Variants in MROH1 observed in about 807,000 individuals in gnomAD.
The protein encoded by MROH1 is maestro heat-like repeat-containing protein family member 1.
MROH1 carries 117 observed loss-of-function variants against 116.5 expected under a neutral mutation model. That is an observed-to-expected ratio of 1.00 (90% CI 0.86 to 1.17). The LOEUF (loss-of-function observed/expected upper bound fraction) is 1.17. Ranked by LOEUF, MROH1 falls within the 50% of genes most tolerant of loss-of-function variation. The pLI, the probability that MROH1 is intolerant of heterozygous loss-of-function variation, is 0.00. For missense variants in MROH1, 1,873 were observed against 1,338.5 expected, an observed-to-expected ratio of 1.40 and a Z score of -6.23; for synonymous variants, 921 against 583.9, an observed-to-expected ratio of 1.58 and a Z score of -8.32.
rs138360415 is a variant in MROH1, at chr8:144,187,506, A to G, written c.563-3278A>G. Among the ~76,000 whole-genome samples the G allele has an allele frequency of 6.4e-4, 98 of 152,376 alleles. 1 individual carries two copies. In the East Asian group the frequency reaches 0.017, roughly 27 times the overall value. On this transcript the variant is annotated intron_variant, in intron 7 of 43. Transcript: ENST00000326134. Reference sequence around the variant, plus strand: ...TGGTCTTCACTTAATAAAATTGTTTATATAAAATCCCAACACATTCCCACA... The same window carrying G: ...TGGTCTTCACTTAATAAAATTGTTTGTATAAAATCCCAACACATTCCCACA...
intron 4 of MROH1, among the ~76,000 whole-genome samples, chr8:144,172,420 T>C (rs1283083103): frequency 1.3e-5 from 2 of 151,754 alleles, no homozygotes; most frequent in African/African-American, 4.8e-5. Flanking sequence ...TTTCTTTTTT[T>C]TTTTCCCCCG....
In MROH1 at chr8:144,156,062, A is replaced by G. The variant is rs1001340426; in HGVS notation, c.-176-4908A>G. Among the ~76,000 whole-genome samples, 169 of 151,820 alleles carry G rather than the reference A, an allele frequency of 1.1e-3. 1 individual carries two copies. The highest frequency in any genetic ancestry group is 1.8e-3 in the Non-Finnish European group (120 of 67,896). ...GCAACCAGCCTGACCAACATGGAGA[A>G]ACTCCGCCTGTACTAAAAATACAAA... On this transcript the variant is annotated intron_variant, in intron 1 of 43. Transcript: ENST00000326134.
chr8:144,189,893 G>A (rs1451720270), intron 7 of MROH1, among the ~76,000 whole-genome samples: 2 of 152,232 alleles, frequency 1.3e-5, no homozygotes, highest in African/African-American at 4.8e-5. Flanking sequence ...GGAGGAGGTT[G>A]GTACTTGCAC....
chr8:144,239,393 G>A (rs1840597449), intron 17 of MROH1, 30 bp downstream of exon 17: 2 of 780,462 alleles, frequency 2.6e-6, no homozygotes, highest in Non-Finnish European at 4.8e-6. Context: ...AGCGTGCCCA[G>A]CGCCCCACTC....
At chr8:144,250,562 C>T (rs992765249) in intron 33 of MROH1, 196 bp downstream of exon 33, 2 of 654,740 alleles carry the variant, frequency 3.1e-6, no homozygotes, top group African/African-American at 3.6e-5. Context: ...CTCTCCTCTC[C>T]AGGCGTTTTG....
chr8:144,196,493 A>T (rs2131704526), intron 10 of MROH1, among the ~76,000 whole-genome samples: 1 of 151,024 alleles, frequency 6.6e-6, no homozygotes, highest in Middle Eastern at 3.4e-3. Context: ...AGTAGCTGGG[A>T]TTACAGGCGC....
chr8:144,244,373 TGA>T (rs1841525538), intron 27 of MROH1, 37 bp downstream of exon 27: 2 of 722,482 alleles, frequency 2.8e-6, no homozygotes, highest in Non-Finnish European at 5.2e-6. Context: ...TCCACATCCG[TGA>T]GAGTGGTGGG....
chr8:144,154,211 C>G (rs1817520425), intron 1 of MROH1, among the ~76,000 whole-genome samples: 1 of 151,968 alleles, frequency 6.6e-6, no homozygotes, highest in African/African-American at 2.4e-5. Flanking sequence ...ATTACAGGCA[C>G]GTGCCACCAC....
At chr8:144,201,887 G>A (rs1564462623) in intron 12 of MROH1, among the ~76,000 whole-genome samples, 4 of 152,114 alleles carry the variant, frequency 2.6e-5, no homozygotes, top group African/African-American at 7.2e-5. Context: ...CTGGCGTGGT[G>A]GCGGGCGCCT....
At position 144,240,799 on chromosome 8, in the gene MROH1, G is replaced by A. The variant is rs894157002; in HGVS notation, c.1935+122G>A. 397 of 683,106 alleles carry A rather than the reference G, an allele frequency of 5.8e-4. No individual in the cohort carries two copies. The African/African-American group carries it at 6.7e-3, about 12-fold the overall frequency. The allele number at this position is 683,106 out of a possible 1,614,324, so 42.3% of individuals were successfully genotyped here. Reference sequence around the variant, plus strand: ...CCTGGTGGCCTGGCAGAGCCTCCTTGTGGTGGCTGAGGGCCAGGAGTGCGA... The same window carrying A: ...CCTGGTGGCCTGGCAGAGCCTCCTTATGGTGGCTGAGGGCCAGGAGTGCGA... On this transcript the variant is annotated intron_variant, in intron 20 of 43. Transcript: ENST00000326134.
intron 3 of MROH1, among the ~76,000 whole-genome samples, chr8:144,167,265 C>T (rs1372239462): frequency 1.4e-4 from 16 of 110,982 alleles, no homozygotes; most frequent in East Asian, 2.7e-4. Context: ...GTGGAGTGGC[C>T]GGTTGTTGGG....
At chr8:144,171,384 G>T (rs557087963) in intron 4 of MROH1, among the ~76,000 whole-genome samples, 10 of 152,348 alleles carry the variant, frequency 6.6e-5, no homozygotes, top group Non-Finnish European at 1.0e-4. Context: ...GGGCAGGAAT[G>T]GGGAGGGGCG....
intron 11 of MROH1, among the ~76,000 whole-genome samples, chr8:144,199,590 G>T (rs926897563): frequency 2.0e-5 from 3 of 152,178 alleles, no homozygotes; most frequent in Non-Finnish European, 4.4e-5. Context: ...AGCCTCCCAT[G>T]ACCCACCTGG....
At position 144,240,672 on chromosome 8, in the gene MROH1, G is replaced by C; in HGVS notation, c.1930G>C (p.Glu644Gln). 1 of 716,594 alleles carries C rather than the reference G, an allele frequency of 1.4e-6. No homozygotes were observed. 44.4% of individuals were successfully genotyped at this position (716,594 alleles called of 1,614,324 possible). A position where few individuals can be genotyped will look rare whatever the true frequency, so the allele number is the denominator to read the frequency against. ...QLPCYDEAPQ[E>Q]KNFLYKCIGT... ...GCCCTGCTACGATGAGGCACCCCAGGAGAAGGTGGGGCACCTGCTGGCGTT... is the reference window on the plus strand; with the variant it reads ...GCCCTGCTACGATGAGGCACCCCAGCAGAAGGTGGGGCACCTGCTGGCGTT... The change falls in exon 20 of 44, where the codon GAG becomes CAG. Residue 644 changes from glutamate (E) to glutamine (Q), a missense_variant. Physicochemically the swap from Glu to Gln is conservative, Grantham distance 29. Coordinates refer to ENST00000326134, the MANE Select transcript of MROH1 (RefSeq NM_032450.3).
chr8:144,178,108 G>A (rs963601610), intron 4 of MROH1, among the ~76,000 whole-genome samples: 4 of 149,012 alleles, frequency 2.7e-5, no homozygotes, highest in South Asian at 2.1e-4. Context: ...TACAGGTGCC[G>A]GCCACTGTGA....
chr8:144,258,651 G>A (rs965949835), intron 35 of MROH1, 126 bp from the exon 36 acceptor site: 2 of 679,534 alleles, frequency 2.9e-6, no homozygotes, highest in Non-Finnish European at 5.4e-6. Context: ...CCTGGAGAGT[G>A]GCTCTGGCAG....
intron 22 of MROH1, among the ~76,000 whole-genome samples, chr8:144,241,819 G>A (rs1280958953): frequency 1.3e-5 from 2 of 152,230 alleles, no homozygotes; most frequent in Non-Finnish European, 2.9e-5. Context: ...CAGATTCTGC[G>A]TTCTTGCCAA....
rs759427886 is a variant in MROH1 at position 144,199,103 on chromosome 8, G to A, written c.949-19G>A. ...TCTGGCCTCTCTGGTCTATAACCTC[G>A]GCCCCGTTCCTGGAGCAGATCTGTG... On this transcript the variant is annotated intron_variant, in intron 10 of 43. Coordinates refer to ENST00000326134, the MANE Select transcript of MROH1 (RefSeq NM_032450.3). The A allele has an allele frequency of 1.2e-5, 20 of 1,611,866 alleles. No individual in the cohort carries two copies. The highest frequency in any genetic ancestry group is 4.4e-5 in the South Asian group (4 of 90,690).
rs1840893927 is a variant in MROH1 at position 144,241,098 on chromosome 8, A to C, written c.2042A>C (p.Glu681Ala). Reference protein sequence around the residue: ...ELLETARYQEEAEREGLACCF... With the variant: ...ELLETARYQEAAEREGLACCF... The stretch of plus-strand genomic sequence containing the variant: ...CTGGAGACGGCCAGATACCAGGAGG[A>C]GGCAGAACGCGAGGTGGGGCCGCTT... The change falls in exon 21 of 44, where the codon GAG becomes GCG. Residue 681 changes from glutamate (E) to alanine (A), a missense_variant. By Grantham distance (107) the Glu-to-Ala change is moderately radical. Transcript: ENST00000326134. 5.2e-6 allele frequency: 4 copies of C among 769,792 alleles called. No homozygotes were observed. Among genetic ancestry groups the C allele is most frequent in the African/African-American group, 1.7e-5 (1 of 59,050 alleles). The allele number at this position is 769,792 out of a possible 1,614,324, so 47.7% of individuals were successfully genotyped here. A position where few individuals can be genotyped will look rare whatever the true frequency, so the allele number is the denominator to read the frequency against.
Sources: allele counts gnomAD v4.1 joint callset (sites outside exome capture counted in the v4.1 genomes callset), GRCh38; gene constraint gnomAD v4.1.1; transcripts MANE v1.5; gene names NCBI Gene and HGNC (gene_info 2026-07-23, HGNC 2026-07-21).